Variants in TINAG observed in about 807,000 individuals in gnomAD.
The protein encoded by TINAG is tubulointerstitial nephritis antigen.
A neutral mutation model predicts 72.7 loss-of-function variants in TINAG; 83 were observed. The ratio of observed to expected loss-of-function variants is 1.14; its 90% CI spans 0.96 to 1.37. The LOEUF is 1.37. Among genes scored for constraint, TINAG ranks in the 40% most tolerant of loss-of-function variants. The pLI is 0.00. For synonymous variants in TINAG, 234 were observed against 189.9 expected, an observed-to-expected ratio of 1.23 and a Z score of -1.91; for missense variants, 685 against 576.6, an observed-to-expected ratio of 1.19 and a Z score of -1.93.
intron 8 of TINAG, among the ~76,000 whole-genome samples, chr6:54,351,826 G>A (rs1045046443): frequency 3.3e-5 from 5 of 151,820 alleles, no homozygotes; most frequent in Admixed American, 1.3e-4. Context: ...TGAAAAAATT[G>A]AGGATTAATA....
intron 4 of TINAG, among the ~76,000 whole-genome samples, chr6:54,336,540 A>G (rs1784869120): frequency 6.6e-6 from 1 of 152,192 alleles, no homozygotes; most frequent in Non-Finnish European, 1.5e-5. Context: ...TTTGGGAGAT[A>G]GCACCAAGAA....
chr6:54,373,395 C>T lies in TINAG; in HGVS notation c.1251-7131C>T, dbSNP rs1247189482. On this transcript the variant is annotated intron_variant, in intron 9 of 10. Coordinates refer to ENST00000259782, the MANE Select transcript of TINAG (RefSeq NM_014464.4). ...GCATCTTCTACAGATTATCGAAGGC[C>T]TATTATGCCTTTCCTCTTCACCACA... Among the ~76,000 whole-genome samples, 6 of 152,206 alleles carry T rather than the reference C, an allele frequency of 3.9e-5. No homozygotes were observed. In the East Asian group the frequency reaches 1.2e-3, roughly 29 times the overall value.
chr6:54,312,319 T>C (rs1435809492), intron 1 of TINAG, among the ~76,000 whole-genome samples: 1 of 152,084 alleles, frequency 6.6e-6, no homozygotes, highest in African/African-American at 2.4e-5. Context: ...ATTTTTAAAA[T>C]ATATTTTATA....
At position 54,347,518 on chromosome 6, in the gene TINAG, G is replaced by A. The variant is rs1157435084; in HGVS notation, c.899+1G>A. 1.2e-6 allele frequency: 2 copies of A among 1,611,920 alleles called. No individual in the cohort carries two copies. Among genetic ancestry groups the A allele is most frequent in the Non-Finnish European group, 1.7e-6 (2 of 1,178,838 alleles). ...CTTGGTGGTACCTGAGAAAACGTGG[G>A]TAAATAGCTGCTCAACATGTGTTTC... On this transcript the variant is annotated splice_donor_variant, in intron 6 of 10. Coordinates refer to ENST00000259782, the MANE Select transcript of TINAG (RefSeq NM_014464.4). LOFTEE classifies it high-confidence loss of function.
chr6:54,351,269 A>G (rs1785258991), intron 7 of TINAG, 83 bp from the exon 8 acceptor site: 15 of 1,255,836 alleles, frequency 1.2e-5, no homozygotes, highest in Middle Eastern at 1.9e-4. Context: ...AGTAAATTGC[A>G]AACACTTAAC....
chr6:54,369,111 A>C (rs527667738), intron 9 of TINAG, among the ~76,000 whole-genome samples: 4 of 152,052 alleles, frequency 2.6e-5, no homozygotes, highest in Non-Finnish European at 4.4e-5. Flanking sequence ...GAGTTATTTC[A>C]ATATGTAATG....
chr6:54,318,439 A>T (rs1303585488), intron 1 of TINAG, among the ~76,000 whole-genome samples: 1 of 152,016 alleles, frequency 6.6e-6, no homozygotes, highest in African/African-American at 2.4e-5. Flanking sequence ...CATTCACCAG[A>T]TTCAATCCAT....
intron 6 of TINAG, among the ~76,000 whole-genome samples, chr6:54,348,023 C>T (rs1336235672): frequency 2.0e-5 from 3 of 152,096 alleles, no homozygotes; most frequent in Non-Finnish European, 2.9e-5. Flanking sequence ...CATTTCCTTA[C>T]TTTCATGTAG....
intron 9 of TINAG, among the ~76,000 whole-genome samples, chr6:54,374,816 A>G (rs1582756014): frequency 6.6e-6 from 1 of 152,076 alleles, no homozygotes; most frequent in Non-Finnish European, 1.5e-5. Context: ...GTTATATGAT[A>G]TATTTGCTCC....
chr6:54,314,640 T>G (rs1177682462), intron 1 of TINAG, among the ~76,000 whole-genome samples: 1 of 152,176 alleles, frequency 6.6e-6, no homozygotes, highest in Non-Finnish European at 1.5e-5. Context: ...TATTTGGATG[T>G]CTGCCTTTTG....
intron 4 of TINAG, among the ~76,000 whole-genome samples, chr6:54,330,787 C>A (rs868593354): frequency 1.4e-4 from 21 of 152,266 alleles, no homozygotes; most frequent in African/African-American, 4.6e-4. Context: ...ATCACTGATA[C>A]CACAGAAATA....
chr6:54,333,005 T>G (rs191187031), intron 4 of TINAG, among the ~76,000 whole-genome samples: 1 of 152,280 alleles, frequency 6.6e-6, no homozygotes, highest in African/African-American at 2.4e-5. Context: ...AGGAATGCTT[T>G]TTTTACTGGT....
intron 4 of TINAG, among the ~76,000 whole-genome samples, chr6:54,338,719 CAAAAA>C (rs57231980): frequency 3.5e-5 from 2 of 56,998 alleles, no homozygotes; most frequent in Admixed American, 2.1e-4. Context: ...GACTCTGTCT[CAAAAA>C]AAAAAAAAAA....
intron 1 of TINAG, among the ~76,000 whole-genome samples, chr6:54,314,961 C>T (rs1010100770): frequency 1.3e-5 from 2 of 151,998 alleles, no homozygotes; most frequent in African/African-American, 4.8e-5. Context: ...ATAAATGCTC[C>T]CATACAGATA....
At chr6:54,359,352 A>T (rs942710166) in intron 9 of TINAG, among the ~76,000 whole-genome samples, 1 of 151,764 alleles carries the variant, frequency 6.6e-6, no homozygotes, top group African/African-American at 2.4e-5. Context: ...ATCTAGAAAA[A>T]ATTTTCTACC....
intron 9 of TINAG, among the ~76,000 whole-genome samples, chr6:54,370,537 G>A (rs1022448213): frequency 2.0e-5 from 3 of 151,968 alleles, no homozygotes; most frequent in Non-Finnish European, 4.4e-5. Context: ...TTGAGTGATG[G>A]TTGTGTACCA....
Position 54,308,574 on chromosome 6 carries a change from A to G in TINAG, c.24A>G (p.Leu8=). The G allele has an allele frequency of 6.2e-7, 1 of 1,612,362 alleles. No homozygotes were observed. The highest frequency in any genetic ancestry group is 8.5e-7 in the Non-Finnish European group (1 of 1,179,398). Residue 8 remains leucine, a synonymous_variant, in exon 1 of 11, where the codon TTA becomes TTG. Coordinates refer to ENST00000259782, the MANE Select transcript of TINAG (RefSeq NM_014464.4). ...GAATGTGGACCGGATATAAGATCTT[A>G]ATCTTCTCTTATCTTACTACAGAAA... is the stretch of plus-strand genomic sequence containing the variant. MWTGYKI[L]IFSYLTTEIW... is the part of the protein sequence containing the mutation.
intron 9 of TINAG, chr6:54,366,921 G>C (rs1763445413): frequency 6.6e-6 from 1 of 151,648 alleles, no homozygotes; most frequent in Non-Finnish European, 1.5e-5. Context: ...AGTAAGTGTA[G>C]AGCAAGGAGG....
intron 3 of TINAG, among the ~76,000 whole-genome samples, chr6:54,324,994 CT>C (rs1374930440): frequency 6.6e-6 from 1 of 152,134 alleles, no homozygotes; most frequent in African/African-American, 2.4e-5. Flanking sequence ...ATCCTCTCTC[CT>C]AGTTTAAGCA....
Sources: gnomAD v4.1 joint callset for allele counts (sites outside exome capture counted in the v4.1 genomes callset) on GRCh38, gnomAD v4.1.1 for gene constraint, MANE v1.5 for transcripts, NCBI Gene and HGNC (gene_info 2026-07-23, HGNC 2026-07-21) for gene names.